The following MATR3 variants were observed in gnomAD, a reference collection of about 807,000 sequenced individuals.
The protein encoded by MATR3 is matrin-3.
In MATR3, 4 loss-of-function variants were observed where a neutral mutation model predicts 85.5. The ratio of observed to expected loss-of-function variants is 0.05; its 90% CI spans 0.02 to 0.11. The LOEUF is 0.11. Among genes scored for constraint, MATR3 ranks in the 10% least tolerant of loss-of-function variants. The pLI is 1.00. For missense variants in MATR3, 685 were observed against 1,016.1 expected (o/e 0.67, Z 4.43); for synonymous variants, 336 against 343.1 (o/e 0.98, Z 0.23).
chr5:139,283,988 C>T (rs997799769), intron 3 of MATR3, among the ~76,000 whole-genome samples: 1 of 152,166 alleles, frequency 6.6e-6, no homozygotes, highest in Non-Finnish European at 1.5e-5. Context: ...CCATGTTGTA[C>T]CATAGAGCTA....
At chr5:139,322,294 T>A (rs939800855) in intron 10 of MATR3, among the ~76,000 whole-genome samples, 169 bp from the exon 11 acceptor site, 6 of 152,232 alleles carry the variant, frequency 3.9e-5, no homozygotes, top group Non-Finnish European at 2.9e-5. Context: ...TTTCCACTTC[T>A]CTGTTGGTAT....
At chr5:139,298,215 TAA>T (rs758540815) in intron 1 of MATR3, among the ~76,000 whole-genome samples, 5 of 152,170 alleles carry the variant, frequency 3.3e-5, no homozygotes, top group Admixed American at 1.3e-4. Context: ...ATGTGAAAAT[TAA>T]AAGTCAATTA....
chr5:139,307,625 T>G lies in MATR3; in HGVS notation c.210T>G (p.His70Gln). ...CTTCATTGAATCAACAAGGAGCTCA[T>G]AGTGCACTGTCTTCTGCTAGTACTT... ...MSSSLNQQGA[H>Q]SALSSASTSS... is the part of the protein sequence containing the mutation. Residue 70 changes from histidine to glutamine, a missense_variant, in exon 2 of 15, where the codon CAT (histidine) becomes CAG (glutamine). Physicochemically the swap from His to Gln is conservative, Grantham distance 24 (BLOSUM62 0). Coordinates refer to ENST00000394805, the MANE Select transcript of MATR3 (RefSeq NM_018834.6). This position sits in a 1 kb window ranked among gnomAD's most constrained non-coding sequence, Gnocchi z 4.4. 6.2e-7 allele frequency: 1 copy of G among 1,614,194 alleles called. No individual in the cohort carries two copies. The highest frequency in any genetic ancestry group is 8.5e-7 in the Non-Finnish European group (1 of 1,180,018).
chr5:139,276,077 C>A (rs1347777593), intron 1 of MATR3: 2 of 456,648 alleles, frequency 4.4e-6, no homozygotes, highest in Admixed American at 2.3e-5. Flanking sequence ...GAGCTGCACA[C>A]GTGTTCACTG....
Position 139,329,611 on chromosome 5 carries a change from G to A in MATR3, c.*216G>A. 1.8e-6 allele frequency: 1 copy of A among 552,530 alleles called. No homozygotes were observed. The highest frequency in any genetic ancestry group is 3.4e-6 in the Non-Finnish European group (1 of 292,872). 34.2% of individuals were successfully genotyped at this position (552,530 alleles called of 1,614,324 possible). The stretch of plus-strand genomic sequence containing the variant: ...GAATAGTTTTTGTTTTATCAGAATG[G>A]CAACAGACAGAAGTACTTTGTAGAG... On this transcript the variant is annotated 3_prime_UTR_variant, in exon 15 of 15. Coordinates refer to ENST00000394805, the MANE Select transcript of MATR3 (RefSeq NM_018834.6).
intron 3 of MATR3, among the ~76,000 whole-genome samples, chr5:139,286,596 G>A (rs1322525153): frequency 6.6e-6 from 1 of 151,866 alleles, no homozygotes; most frequent in African/African-American, 2.4e-5. Flanking sequence ...TGTAATCCCA[G>A]CACTTTGGGA....
chr5:139,320,078 G>A (rs1755475583), intron 9 of MATR3, among the ~76,000 whole-genome samples: 1 of 151,256 alleles, frequency 6.6e-6, no homozygotes, highest in Non-Finnish European at 1.5e-5. Flanking sequence ...GGAGGCGGAG[G>A]CAGGCAGATC....
intron 3 of MATR3, chr5:139,279,691 A>T (rs1295867559): frequency 1.3e-5 from 2 of 153,542 alleles, no homozygotes; most frequent in Admixed American, 1.3e-4. Flanking sequence ...TTTAGTAGAG[A>T]TGGGGTTTCA....
intron 2 of MATR3, chr5:139,313,224 T>A (rs1755081482): frequency 6.6e-6 from 1 of 152,064 alleles, no homozygotes; most frequent in Non-Finnish European, 1.5e-5. Context: ...GTGTGGGTGT[T>A]ACAGAAATTA....
chr5:139,300,731 C>T (rs1404692918), intron 1 of MATR3, among the ~76,000 whole-genome samples: 1 of 152,190 alleles, frequency 6.6e-6, no homozygotes, highest in Non-Finnish European at 1.5e-5. Context: ...CAACCTCTGC[C>T]TCCAGGGTTC....
In MATR3 at chr5:139,319,359, A is replaced by G. The variant is rs1013548969; in HGVS notation, c.1460A>G (p.Lys487Arg). The G allele has an allele frequency of 2.5e-6, 4 of 1,614,070 alleles. No individual in the cohort carries two copies. In the Admixed American group the frequency reaches 6.7e-5, roughly 27 times the overall value. ...IKKPEGKPDQ[K>R]FDQKQELGRV... ...AAACCTGAAGGAAAGCCAGATCAGA[A>G]GTTTGATCAAAAGCAAGAGCTTGGA... Residue 487 changes from lysine (K) to arginine (R), a missense_variant, in exon 9 of 15, where the codon AAG (lysine) becomes AGG (arginine). Around this residue, in one of 9 missense-constraint regions of MATR3, gnomAD observed 30 missense variants for 23.9 expected, o/e 1.25. Transcript: ENST00000394805.
Position 139,318,952 on chromosome 5 carries a change from G to T in MATR3, c.1353G>T (p.Val451=). The change falls in exon 8 of 15, where the codon GTG becomes GTT. Residue 451 remains valine (V), a synonymous_variant. Transcript: ENST00000394805. ...CCACAGAGGATGCTCAGGCCGCAGT[G>T]GATTATTACACAACCACACCAGCGT... ...MATTEDAQAA[V]DYYTTTPALV... is the part of the protein sequence containing the mutation. 6.2e-7 allele frequency: 1 copy of T among 1,613,966 alleles called. No individual in the cohort carries two copies. Among genetic ancestry groups the T allele is most frequent in the Non-Finnish European group, 8.5e-7 (1 of 1,179,914 alleles).
intron 1 of MATR3, among the ~76,000 whole-genome samples, chr5:139,303,486 A>G (rs970845853): frequency 6.6e-6 from 1 of 152,102 alleles, no homozygotes; most frequent in African/African-American, 2.4e-5. Context: ...ACCTCTTAGC[A>G]TTTTGGGAGG....
intron 3 of MATR3, 150 bp from the exon 4 acceptor site, chr5:139,315,547 A>G (rs1755198180): frequency 1.8e-6 from 1 of 567,484 alleles, no homozygotes; most frequent in Non-Finnish European, 3.2e-6. Flanking sequence ...CTTTTGAAAT[A>G]TCTATTGGAA....
chr5:139,303,776 A>AT (rs144676991), intron 1 of MATR3, among the ~76,000 whole-genome samples: 1 of 151,730 alleles, frequency 6.6e-6, no homozygotes, highest in South Asian at 2.1e-4. Flanking sequence ...AAATCTTTTC[A>AT]TTTTTTTCTA....
upstream of MATR3, among the ~76,000 whole-genome samples, chr5:139,290,892 CGTTGGA>C (rs1753851870): frequency 2.0e-5 from 3 of 152,142 alleles, no homozygotes; most frequent in Admixed American, 6.5e-5. Context: ...ACTGAACTTG[CGTTGGA>C]TAGTATTAAA....
intron 3 of MATR3, 38 bp downstream of exon 3, chr5:139,314,774 G>T: frequency 1.3e-6 from 2 of 1,575,582 alleles, no homozygotes; most frequent in South Asian, 1.1e-5. Context: ...TCCTTATCGT[G>T]AATCAGAATC....
At chr5:139,292,193 C>T (rs766775051), upstream of MATR3, 1 of 152,062 alleles carries the variant, frequency 6.6e-6, no homozygotes, top group Non-Finnish European at 1.5e-5. Flanking sequence ...AACTCTTGAA[C>T]TCAAGTGATC....
chr5:139,281,616 G>A (rs987208551), intron 3 of MATR3, among the ~76,000 whole-genome samples: 5 of 152,004 alleles, frequency 3.3e-5, no homozygotes, highest in African/African-American at 1.2e-4. Context: ...GCCTCCCAAA[G>A]TGCTGGATTA....
Sources: allele counts gnomAD v4.1 joint callset (sites outside exome capture counted in the v4.1 genomes callset), GRCh38; gene constraint gnomAD v4.1.1; regional missense constraint gnomAD v4.1.1; non-coding constraint Gnocchi (gnomAD v3.1); transcripts MANE v1.5; gene names NCBI Gene and HGNC (gene_info 2026-07-23, HGNC 2026-07-21).